The following CFAP54 variants were observed in gnomAD, a reference collection of about 807,000 sequenced individuals.
The protein encoded by CFAP54 is cilia- and flagella-associated protein 54.
Under a neutral mutation model 370.4 loss-of-function variants are expected in CFAP54, and 290 were observed. The ratio of observed to expected loss-of-function variants is 0.78; its 90% CI spans 0.71 to 0.86. The LOEUF is 0.86. CFAP54 is among the 40% of genes least tolerant of loss of function. The probability of loss-of-function intolerance (pLI) is 0.00; values close to 1 mark genes in which losing one functional copy is unlikely to be tolerated. For missense variants in CFAP54, 3,399 were observed against 3,528.7 expected (o/e 0.96, Z 0.93); for synonymous variants, 1,206 against 1,236.5 (o/e 0.98, Z 0.52).
chr12:96,537,074 A>C (rs1955515089), intron 12 of CFAP54, among the ~76,000 whole-genome samples: 1 of 152,184 alleles, frequency 6.6e-6, no homozygotes, highest in South Asian at 2.1e-4. Flanking sequence ...CTACATATGC[A>C]AATTAGGTCT....
At chr12:96,649,220 T>C (rs1349935757) in intron 34 of CFAP54, among the ~76,000 whole-genome samples, 1 of 152,204 alleles carries the variant, frequency 6.6e-6, no homozygotes, top group Non-Finnish European at 1.5e-5. Flanking sequence ...TTCACAGGTA[T>C]GTGCATATCA....
chr12:96,564,986 A>G (rs1955852391), intron 19 of CFAP54: 2 of 280,302 alleles, frequency 7.1e-6, no homozygotes, highest in African/African-American at 2.2e-5. Context: ...CATGCAATCT[A>G]CATGAGAAGA....
chr12:96,533,033 A>G (rs1019205553), intron 9 of CFAP54, among the ~76,000 whole-genome samples: 1 of 152,130 alleles, frequency 6.6e-6, no homozygotes, highest in African/African-American at 2.4e-5. Flanking sequence ...CTACTTATAC[A>G]GTGGGCAGAC....
At chr12:96,588,088 G>A (rs911065158) in intron 22 of CFAP54, among the ~76,000 whole-genome samples, 2 of 152,086 alleles carry the variant, frequency 1.3e-5, no homozygotes, top group African/African-American at 2.4e-5. Flanking sequence ...GATTTTCAAG[G>A]CCTTCTGAAA....
chr12:96,787,233 AC>A (rs1375804244), intron 62 of CFAP54, among the ~76,000 whole-genome samples: 2 of 152,202 alleles, frequency 1.3e-5, no homozygotes, highest in Non-Finnish European at 2.9e-5. Context: ...AGAAAACTAG[AC>A]TGATAGTGTC....
rs1179180531 is a variant in CFAP54 at position 96,875,120 on chromosome 12, A to G, written c.*17A>G. 1 of 152,128 alleles carries G rather than the reference A, an allele frequency of 6.6e-6. No individual in the cohort carries two copies. The highest frequency in any genetic ancestry group is 2.4e-5 in the African/African-American group (1 of 41,424). 9.4% of individuals were successfully genotyped at this position (152,128 alleles called of 1,614,324 possible). On this transcript the variant is annotated splice_region_variant and 3_prime_UTR_variant, in exon 68 of 68. Transcript: ENST00000524981. The stretch of plus-strand genomic sequence containing the variant: ...ATTACTCTTTTTTCCTCCTCTAGGG[A>G]TGATAAAACTGAGAAATAAATCAAG...
intron 19 of CFAP54, among the ~76,000 whole-genome samples, chr12:96,565,628 AG>A (rs1955859080): frequency 6.6e-6 from 1 of 152,150 alleles, no homozygotes; most frequent in Non-Finnish European, 1.5e-5. Flanking sequence ...AGATAATAAG[AG>A]GGAAAGGTTA....
chr12:96,700,687 A>G (rs1345605760), intron 46 of CFAP54, among the ~76,000 whole-genome samples: 1 of 152,316 alleles, frequency 6.6e-6, no homozygotes, highest in African/African-American at 2.4e-5. Context: ...TTTAAAGCAT[A>G]AATTAAATCA....
At chr12:96,709,282 C>T (rs780508470) in intron 48 of CFAP54, among the ~76,000 whole-genome samples, 4 of 152,220 alleles carry the variant, frequency 2.6e-5, no homozygotes, top group African/African-American at 4.8e-5. Flanking sequence ...TACCTCCACT[C>T]GTGCACATGC....
Position 96,764,203 on chromosome 12 carries a change from A to C in CFAP54, c.8093A>C (p.Glu2698Ala). The change falls in exon 59 of 68, where the codon GAA becomes GCA. Residue 2698 changes from glutamate to alanine, a missense_variant. This residue lies in a region of CFAP54 where 2,796 missense variants were observed against 2,869.7 expected (regional missense o/e 0.97). Coordinates refer to ENST00000524981, the MANE Select transcript of CFAP54 (RefSeq NM_001306084.2). The part of the protein sequence containing the change: ...SVKETSANKF[E>A]MYSSLAWIAI... ...AAAGAAACATCAGCAAATAAATTTG[A>C]AATGTACAGTTCATTAGCCTGGATT... is the stretch of plus-strand genomic sequence containing the variant. The C allele has an allele frequency of 6.2e-7, 1 of 1,613,490 alleles. No individual in the cohort carries two copies. The highest frequency in any genetic ancestry group is 8.5e-7 in the Non-Finnish European group (1 of 1,179,750).
chr12:96,857,824 T>C (rs545889746), intron 66 of CFAP54, among the ~76,000 whole-genome samples: 152 of 152,320 alleles, frequency 1.0e-3, no homozygotes, highest in African/African-American at 3.3e-3. Context: ...TCCTGAGTCC[T>C]CGCCAGCCAT....
At chr12:96,490,582 C>T (rs1954870002) in intron 1 of CFAP54, among the ~76,000 whole-genome samples, 1 of 152,134 alleles carries the variant, frequency 6.6e-6, no homozygotes, top group African/African-American at 2.4e-5. Context: ...CTCCCAGCTA[C>T]TCAGGAGGCT....
intron 66 of CFAP54, among the ~76,000 whole-genome samples, chr12:96,834,052 TA>T (rs1488901408): frequency 1.3e-5 from 2 of 152,116 alleles, no homozygotes; most frequent in Non-Finnish European, 1.5e-5. Context: ...TCTACACTTC[TA>T]ACTAGACTAC....
At chr12:96,515,598 G>A (rs1020210483) in intron 5 of CFAP54, among the ~76,000 whole-genome samples, 2 of 152,168 alleles carry the variant, frequency 1.3e-5, no homozygotes, top group African/African-American at 4.8e-5. Context: ...TGAGGGCTTT[G>A]AATACTGTAG....
intron 63 of CFAP54, among the ~76,000 whole-genome samples, chr12:96,802,183 A>G (rs1393464822): frequency 6.6e-6 from 1 of 152,064 alleles, no homozygotes; most frequent in African/African-American, 2.4e-5. Context: ...CATACCTAGA[A>G]CAATACCCAC....
At chr12:96,514,727 AC>A (rs1216137815) in intron 5 of CFAP54, among the ~76,000 whole-genome samples, 1 of 152,178 alleles carries the variant, frequency 6.6e-6, no homozygotes, top group Non-Finnish European at 1.5e-5. Flanking sequence ...CTTATTCATA[AC>A]CTTTGTAAGA....
chr12:96,574,070 G>A (rs1056091550), intron 19 of CFAP54, among the ~76,000 whole-genome samples: 7 of 152,044 alleles, frequency 4.6e-5, no homozygotes, highest in Non-Finnish European at 1.0e-4. Flanking sequence ...TCTCAATTTC[G>A]ACCAGGCTTC....
intron 4 of CFAP54, 145 bp downstream of exon 4, chr12:96,507,244 C>A (rs942445136): frequency 3.0e-6 from 2 of 676,180 alleles, no homozygotes; most frequent in South Asian, 2.8e-5. Flanking sequence ...ATTCGTGTGA[C>A]ATGTTTGTCC....
At chr12:96,490,330 T>C (rs1158270368) in intron 1 of CFAP54, among the ~76,000 whole-genome samples, 1 of 152,134 alleles carries the variant, frequency 6.6e-6, no homozygotes, top group Non-Finnish European at 1.5e-5. Context: ...TAAGAAAAAG[T>C]CACTGTAATC....
Sources: gnomAD v4.1 joint callset for allele counts (sites outside exome capture counted in the v4.1 genomes callset) on GRCh38, gnomAD v4.1.1 for gene constraint, gnomAD v4.1.1 regional missense constraint, MANE v1.5 for transcripts, NCBI Gene and HGNC (gene_info 2026-07-23, HGNC 2026-07-21) for gene names.